The following MAP3K4 variants were observed in gnomAD, a reference collection of about 807,000 sequenced individuals.
MAP3K4 encodes the protein mitogen-activated protein kinase kinase kinase 4.
A neutral mutation model predicts 185.6 loss-of-function variants in MAP3K4; 67 were observed. The observed-to-expected ratio is 0.36, with a 90% CI of 0.30 to 0.44. MAP3K4 has a LOEUF of 0.44. Among genes scored for constraint, MAP3K4 ranks in the 20% least tolerant of loss-of-function variants. MAP3K4 has a pLI of 1.00. For synonymous variants in MAP3K4, 702 were observed against 710.4 expected, an observed-to-expected ratio of 0.99 and a Z score of 0.19; for missense variants, 1,551 against 1,995.1, an observed-to-expected ratio of 0.78 and a Z score of 4.24.
At position 161,064,444 on chromosome 6, in the gene MAP3K4, A is replaced by G. The variant is rs528649647; in HGVS notation, c.1708-6164A>G. ...ATAACCCATTATTTTCCAACTTCTT[A>G]AACTGCTGCCTTTTTTTTTTTACAT... On this transcript the variant is annotated intron_variant, in intron 3 of 26. Transcript: ENST00000392142. The surrounding 1 kb of genome is among the most constrained non-coding windows in gnomAD (Gnocchi z 4.3). Among the ~76,000 whole-genome samples, 2 of 151,790 alleles carry G rather than the reference A, an allele frequency of 1.3e-5. No individual in the cohort carries two copies. Among genetic ancestry groups the G allele is most frequent in the African/African-American group, 4.8e-5 (2 of 41,434 alleles).
intron 2 of MAP3K4, among the ~76,000 whole-genome samples, chr6:161,041,664 T>C (rs550506938): frequency 1.3e-5 from 2 of 152,150 alleles, no homozygotes; most frequent in South Asian, 2.1e-4. Context: ...CCAGGTGCAC[T>C]TGGGCCTCAA....
chr6:161,062,850 C>T (rs1583182997), intron 3 of MAP3K4, among the ~76,000 whole-genome samples: 1 of 152,198 alleles, frequency 6.6e-6, no homozygotes, highest in African/African-American at 2.4e-5. Context: ...ATGGTGTACA[C>T]TTTGAATAAA....
intron 1 of MAP3K4, among the ~76,000 whole-genome samples, chr6:161,031,610 AATTCTC>A (rs1260438174): frequency 1.3e-5 from 2 of 152,078 alleles, no homozygotes; most frequent in African/African-American, 4.8e-5. Flanking sequence ...TCCTCACAAC[AATTCTC>A]CTCCACTTTC....
chr6:161,049,457 G>C lies in MAP3K4; in HGVS notation c.1185G>C (p.Leu395Phe). 1 of 1,614,182 alleles carries C rather than the reference G, an allele frequency of 6.2e-7. No homozygotes were observed. Among genetic ancestry groups the C allele is most frequent in the Non-Finnish European group, 8.5e-7 (1 of 1,180,014 alleles). The change falls in exon 3 of 27, where the codon TTG (leucine) becomes TTC (phenylalanine). Residue 395 changes from leucine to phenylalanine, a missense_variant. Transcript: ENST00000392142. This position sits in a 1 kb window ranked among gnomAD's most constrained non-coding sequence, Gnocchi z 8.4. Reference sequence around the variant, plus strand: ...AGGACAGGGTGCAGGCACTCTGTTTGTGGTTAAACATCACAAAAGACTTAA... The same window carrying C: ...AGGACAGGGTGCAGGCACTCTGTTTCTGGTTAAACATCACAAAAGACTTAA... ...DFQDRVQALC[L>F]WLNITKDLNQ...
intron 1 of MAP3K4, among the ~76,000 whole-genome samples, chr6:160,995,390 TA>T (rs1780942520): frequency 6.6e-6 from 1 of 152,224 alleles, no homozygotes; most frequent in African/African-American, 2.4e-5. Context: ...AAGGTTGTGT[TA>T]ATGCACAGGC....
At chr6:161,105,991 A>G (rs1778051556) in intron 19 of MAP3K4, among the ~76,000 whole-genome samples, 1 of 151,692 alleles carries the variant, frequency 6.6e-6, no homozygotes, top group Non-Finnish European at 1.5e-5. Context: ...ACACACCACC[A>G]CACCTGGCTA....
At position 161,098,111 on chromosome 6, in the gene MAP3K4, A is replaced by T; in HGVS notation, c.3525-167A>T. On this transcript the variant is annotated intron_variant, in intron 16 of 26. Coordinates refer to ENST00000392142, the MANE Select transcript of MAP3K4 (RefSeq NM_005922.4). This position sits in a 1 kb window ranked among gnomAD's most constrained non-coding sequence, Gnocchi z 4.4. ...CAAAAAAAAGAAAAGCTTTGAAGTT[A>T]GGTTTTTTCTTTTTTACACCTAGAC... 2 of 783,644 alleles carry T rather than the reference A, an allele frequency of 2.6e-6. No homozygotes were observed. Among genetic ancestry groups the T allele is most frequent in the Non-Finnish European group, 4.0e-6 (2 of 496,966 alleles). 48.5% of individuals were successfully genotyped at this position (783,644 alleles called of 1,614,324 possible). A position where few individuals can be genotyped will look rare whatever the true frequency, so the allele number is the denominator to read the frequency against.
chr6:161,074,034 A>C lies in MAP3K4; in HGVS notation c.2097+422A>C, dbSNP rs1325072032. Among the ~76,000 whole-genome samples the C allele has an allele frequency of 1.3e-5, 2 of 152,154 alleles. No homozygotes were observed. Among genetic ancestry groups the C allele is most frequent in the Non-Finnish European group, 2.9e-5 (2 of 68,036 alleles). On this transcript the variant is annotated intron_variant, in intron 5 of 26. Transcript: ENST00000392142. The surrounding 1 kb of genome is among the most constrained non-coding windows in gnomAD (Gnocchi z 5.0). Reference sequence around the variant, plus strand: ...ATCAGCCATTTTTATAATACCTAGGATGTGCTAGGGACCTTGCATGGCTCT... The same window carrying C: ...ATCAGCCATTTTTATAATACCTAGGCTGTGCTAGGGACCTTGCATGGCTCT...
chr6:161,103,300 A>G lies in MAP3K4; in HGVS notation c.3856+521A>G, dbSNP rs1240840959. 1.3e-5 allele frequency among the ~76,000 whole-genome samples: 2 copies of G among 152,192 alleles called. No homozygotes were observed. Reference sequence around the variant, plus strand: ...TTCTAAGCAGCCCAATAATTTGGCCAAGGTAGTAAATGAGAGGGTGAGGAC... The same window carrying G: ...TTCTAAGCAGCCCAATAATTTGGCCGAGGTAGTAAATGAGAGGGTGAGGAC... On this transcript the variant is annotated intron_variant, in intron 19 of 26. Transcript: ENST00000392142. This position sits in a 1 kb window ranked among gnomAD's most constrained non-coding sequence, Gnocchi z 4.6.
At chr6:161,065,913 G>T (rs1784687176) in intron 3 of MAP3K4, among the ~76,000 whole-genome samples, 1 of 124,696 alleles carries the variant, frequency 8.0e-6, no homozygotes, top group South Asian at 3.1e-4. Context: ...ACTCCAGCCT[G>T]GGCAAAAGAG....
rs996530997 is a variant in MAP3K4, at chr6:161,017,894, C to T, written c.153-16365C>T. On this transcript the variant is annotated intron_variant, in intron 1 of 26. Transcript: ENST00000392142. The surrounding 1 kb of genome is among the most constrained non-coding windows in gnomAD (Gnocchi z 5.1). ...ATGTTATTATAACCCTAAAAATACA[C>T]AGAACAGTTTTTTTAGATTAAAAAA... Among the ~76,000 whole-genome samples, 3 of 152,118 alleles carry T rather than the reference C, an allele frequency of 2.0e-5. No individual in the cohort carries two copies. The highest frequency in any genetic ancestry group is 1.3e-4 in the Admixed American group (2 of 15,276).
chr6:161,007,339 A>G lies in MAP3K4; in HGVS notation c.152+15256A>G, dbSNP rs1293917542. ...TTGAGGAATGTCTTGAAGAGGAGGGAGAAACTTAGGGTTTTATAAAACGTG... is the reference window on the plus strand; with the variant it reads ...TTGAGGAATGTCTTGAAGAGGAGGGGGAAACTTAGGGTTTTATAAAACGTG... On this transcript the variant is annotated intron_variant, in intron 1 of 26. Transcript: ENST00000392142. This position sits in a 1 kb window ranked among gnomAD's most constrained non-coding sequence, Gnocchi z 4.5. Among the ~76,000 whole-genome samples, 1 of 152,152 alleles carries G rather than the reference A, an allele frequency of 6.6e-6. No individual in the cohort carries two copies. The highest frequency in any genetic ancestry group is 1.5e-5 in the Non-Finnish European group (1 of 68,032).
At chr6:160,999,922 C>G (rs552893811) in intron 1 of MAP3K4, among the ~76,000 whole-genome samples, 11 of 152,248 alleles carry the variant, frequency 7.2e-5, no homozygotes, top group Non-Finnish European at 1.5e-4. Flanking sequence ...ACGTTTTTCC[C>G]CCGTGAAACT....
chr6:161,037,460 C>T lies in MAP3K4; in HGVS notation c.343+3011C>T, dbSNP rs1189200078. On this transcript the variant is annotated intron_variant, in intron 2 of 26. Coordinates refer to ENST00000392142, the MANE Select transcript of MAP3K4 (RefSeq NM_005922.4). The surrounding 1 kb of genome is among the most constrained non-coding windows in gnomAD (Gnocchi z 4.2). ...TGAGACGGAGTTTCACTCTTGTTGC[C>T]CAGGCTGGAGTGCAGTGGCGCGATC... Among the ~76,000 whole-genome samples the T allele has an allele frequency of 6.6e-6, 1 of 151,858 alleles. No individual in the cohort carries two copies. The highest frequency in any genetic ancestry group is 1.5e-5 in the Non-Finnish European group (1 of 67,978).
chr6:161,104,709 CAAA>C (rs10688556), intron 19 of MAP3K4, among the ~76,000 whole-genome samples: 2 of 121,622 alleles, frequency 1.6e-5, no homozygotes, highest in African/African-American at 3.2e-5. Flanking sequence ...GACTCCATCT[CAAA>C]AAAAAAAAAA....
intron 6 of MAP3K4, 52 bp downstream of exon 6, chr6:161,081,090 A>G (rs780573538): frequency 1.4e-5 from 22 of 1,568,114 alleles, no homozygotes; most frequent in East Asian, 2.3e-5. Flanking sequence ...TCACTCTCAC[A>G]CCATTTACTC....
rs1219182240 is a variant in MAP3K4 at position 160,996,143 on chromosome 6, A to T, written c.152+4060A>T. 6.6e-6 allele frequency among the ~76,000 whole-genome samples: 1 copy of T among 152,112 alleles called. No homozygotes were observed. The highest frequency in any genetic ancestry group is 2.4e-5 in the African/African-American group (1 of 41,396). ...TTGTATGTCAACTGTTCTCCCTGGC[A>T]AAGTCAGCCTCCTGTGGTGCTCCAG... On this transcript the variant is annotated intron_variant, in intron 1 of 26. Coordinates refer to ENST00000392142, the MANE Select transcript of MAP3K4 (RefSeq NM_005922.4). This position sits in a 1 kb window ranked among gnomAD's most constrained non-coding sequence, Gnocchi z 4.5.
In MAP3K4 at chr6:161,115,320, A is replaced by G. The variant is rs1277550415; in HGVS notation, c.4806+18A>G. On this transcript the variant is annotated intron_variant, in intron 26 of 26. Coordinates refer to ENST00000392142, the MANE Select transcript of MAP3K4 (RefSeq NM_005922.4). The surrounding 1 kb of genome is among the most constrained non-coding windows in gnomAD (Gnocchi z 6.0). Reference sequence around the variant, plus strand: ...TTGTCAAGGTTTGGCAGATTACTGGATAGTCTTTTTCATGTTTAAGTGTTT... The same window carrying G: ...TTGTCAAGGTTTGGCAGATTACTGGGTAGTCTTTTTCATGTTTAAGTGTTT... 4 of 1,594,222 alleles carry G rather than the reference A, an allele frequency of 2.5e-6. No homozygotes were observed. Among genetic ancestry groups the G allele is most frequent in the Middle Eastern group, 1.7e-4 (1 of 5,950 alleles).
At chr6:161,000,700 A>G (rs552717154) in intron 1 of MAP3K4, among the ~76,000 whole-genome samples, 1 of 152,040 alleles carries the variant, frequency 6.6e-6, no homozygotes, top group East Asian at 1.9e-4. Flanking sequence ...ATATACACAC[A>G]TATATGTGTA....
Sources: gnomAD v4.1 joint callset for allele counts (sites outside exome capture counted in the v4.1 genomes callset) on GRCh38, gnomAD v4.1.1 for gene constraint, Gnocchi (gnomAD v3.1) non-coding constraint, MANE v1.5 for transcripts, NCBI Gene and HGNC (gene_info 2026-07-23, HGNC 2026-07-21) for gene names.